Variants in RTF1 observed in about 807,000 individuals in gnomAD.
The protein encoded by RTF1 is RNA polymerase-associated protein RTF1 homolog.
RTF1 carries 10 observed loss-of-function variants against 95.7 expected under a neutral mutation model. The observed-to-expected ratio is 0.10, with a 90% CI of 0.06 to 0.18. The LOEUF (loss-of-function observed/expected upper bound fraction) is 0.18. RTF1 is among the 10% of genes least tolerant of loss of function. The pLI is 1.00. For synonymous variants in RTF1, 305 were observed against 311.8 expected (o/e 0.98, Z 0.23); for missense variants, 458 against 875.6 (o/e 0.52, Z 6.02).
At chr15:41,449,089 T>G (rs2050777385) in intron 2 of RTF1, among the ~76,000 whole-genome samples, 1 of 152,048 alleles carries the variant, frequency 6.6e-6, no homozygotes, top group African/African-American at 2.4e-5. Flanking sequence ...TTCACCATGT[T>G]GCCCAGGCTA....
chr15:41,479,157 G>T lies in RTF1; in HGVS notation c.1873G>T (p.Gly625Cys). Residue 625 changes from glycine (G) to cysteine (C), a missense_variant, in exon 16 of 18, where the codon GGT (glycine) becomes TGT (cysteine). This residue lies in a region of RTF1 where 50 missense variants were observed against 100.0 expected (regional missense o/e 0.50). Coordinates refer to ENST00000389629, the MANE Select transcript of RTF1 (RefSeq NM_015138.5). ...CTTGGCCCAGCTGAATGCAAAATAC[G>T]GTTCTGGAGTGTTACCAGATGCTCC... Reference protein sequence around the residue: ...AILAQLNAKYGSGVLPDAPKE... With the variant: ...AILAQLNAKYCSGVLPDAPKE... 6.8e-6 allele frequency: 11 copies of T among 1,613,958 alleles called. No homozygotes were observed. The highest frequency in any genetic ancestry group is 9.3e-6 in the Non-Finnish European group (11 of 1,179,942).
chr15:41,472,408 T>C (rs1745416548), intron 8 of RTF1, among the ~76,000 whole-genome samples: 1 of 152,044 alleles, frequency 6.6e-6, no homozygotes, highest in African/African-American at 2.4e-5. Flanking sequence ...GGTTTCACCA[T>C]GTTGGCCAGG....
chr15:41,422,391 C>CTTT (rs1322979364), intron 1 of RTF1, among the ~76,000 whole-genome samples: 1 of 152,172 alleles, frequency 6.6e-6, no homozygotes, highest in African/African-American at 2.4e-5. Flanking sequence ...TGACCACACC[C>CTTT]TTTCTTCAAC....
At chr15:41,427,342 G>A (rs1291573679) in intron 1 of RTF1, among the ~76,000 whole-genome samples, 57 of 131,982 alleles carry the variant, frequency 4.3e-4, no homozygotes, top group Middle Eastern at 0.01. Flanking sequence ...TAGTAGAGAC[G>A]GGGTTTCACC....
intron 1 of RTF1, among the ~76,000 whole-genome samples, chr15:41,427,140 T>G: frequency 8.5e-6 from 1 of 117,890 alleles, no homozygotes; most frequent in African/African-American, 3.4e-5. Flanking sequence ...ATGCCTGGTC[T>G]ACAAATTTTT....
intron 1 of RTF1, among the ~76,000 whole-genome samples, chr15:41,431,551 C>T (rs1032495998): frequency 1.3e-5 from 2 of 152,026 alleles, no homozygotes; most frequent in Non-Finnish European, 2.9e-5. Context: ...TGCTCTATTT[C>T]CCAGGCTGGA....
chr15:41,432,343 G>T (rs1422599482), intron 1 of RTF1, among the ~76,000 whole-genome samples: 5 of 151,372 alleles, frequency 3.3e-5, no homozygotes, highest in Non-Finnish European at 4.4e-5. Context: ...GACTACAGGC[G>T]CTCGCCACCA....
At chr15:41,437,376 C>T (rs1408368559) in intron 1 of RTF1, among the ~76,000 whole-genome samples, 1 of 150,118 alleles carries the variant, frequency 6.7e-6, no homozygotes, top group South Asian at 2.1e-4. Flanking sequence ...TGGTGGGCGC[C>T]TGACAGCTAC....
rs950752323 is a variant in RTF1 at position 41,444,735 on chromosome 15, A to G, written c.309+6304A>G. 3.3e-5 allele frequency among the ~76,000 whole-genome samples: 5 copies of G among 152,202 alleles called. No individual in the cohort carries two copies. The East Asian group carries it at 5.8e-4, about 18-fold the overall frequency. On this transcript the variant is annotated intron_variant, in intron 2 of 17. Coordinates refer to ENST00000389629, the MANE Select transcript of RTF1 (RefSeq NM_015138.5). ...TACAGCTTCCTTTTTCCTCTGTTAT[A>G]TTGGTAAGAAGTGACCATTGTGCTC...
In RTF1 at chr15:41,466,268, A is replaced by G; in HGVS notation, c.889+16A>G. ...AACAGAACAGGTAAGCGAGGGAAAT[A>G]TAATGGCTACTTGTGTCTTTATATG... On this transcript the variant is annotated intron_variant, in intron 6 of 17. Transcript: ENST00000389629. The G allele has an allele frequency of 2.0e-6, 3 of 1,485,698 alleles. No individual in the cohort carries two copies. Among genetic ancestry groups the G allele is most frequent in the East Asian group, 2.4e-5 (1 of 41,698 alleles). 92.0% of individuals were successfully genotyped at this position (1,485,698 alleles called of 1,614,324 possible).
At chr15:41,448,132 G>A (rs1280185104) in intron 2 of RTF1, among the ~76,000 whole-genome samples, 1 of 152,064 alleles carries the variant, frequency 6.6e-6, no homozygotes, top group East Asian at 1.9e-4. Context: ...GGGAGAAGAG[G>A]TACAGAGCAA....
intron 4 of RTF1, among the ~76,000 whole-genome samples, chr15:41,458,540 A>G (rs910108346): frequency 6.6e-6 from 1 of 152,138 alleles, no homozygotes; most frequent in Non-Finnish European, 1.5e-5. Flanking sequence ...AGAGATCAGG[A>G]GTTCTAGACC....
intron 5 of RTF1, among the ~76,000 whole-genome samples, chr15:41,465,818 G>A (rs780719657): frequency 1.3e-5 from 2 of 152,108 alleles, no homozygotes; most frequent in Non-Finnish European, 2.9e-5. Context: ...CTCCATCTCA[G>A]AAAAACAACA....
intron 3 of RTF1, among the ~76,000 whole-genome samples, chr15:41,455,413 C>A (rs1224138349): frequency 6.6e-6 from 1 of 151,986 alleles, no homozygotes; most frequent in East Asian, 1.9e-4. Flanking sequence ...GAGCTGGAGG[C>A]CATTTTTCTA....
Position 41,474,694 on chromosome 15 carries a change from G to A in RTF1, c.1278G>A (p.Leu426=). Residue 426 remains leucine, a synonymous_variant, in exon 9 of 18, where the codon CTG becomes CTA. Transcript: ENST00000389629. ...QLGGTRTNKG[L]QLRHGNDQRV... is the part of the protein sequence containing the mutation. ...GTGGCACCAGAACAAACAAAGGGCT[G>A]CAACTACGGTAGGAGGCACTTCTGG... The A allele has an allele frequency of 6.2e-7, 1 of 1,613,506 alleles. No homozygotes were observed. The highest frequency in any genetic ancestry group is 1.6e-4 in the Middle Eastern group (1 of 6,062).
At chr15:41,478,678 A>T in intron 15 of RTF1, 53 bp downstream of exon 15, 1 of 1,336,560 alleles carries the variant, frequency 7.5e-7, no homozygotes, top group Non-Finnish European at 1.1e-6. Flanking sequence ...AGGACACAAA[A>T]TGAATTCCAT....
intron 1 of RTF1, among the ~76,000 whole-genome samples, chr15:41,421,400 G>A (rs2050599831): frequency 6.6e-6 from 1 of 151,570 alleles, no homozygotes; most frequent in African/African-American, 2.4e-5. Flanking sequence ...AGGCTGTGGT[G>A]AGCCGAGATC....
At position 41,417,180 on chromosome 15, in the gene RTF1, C is replaced by G; in HGVS notation, c.65C>G (p.Ala22Gly). The G allele has an allele frequency of 7.9e-7, 1 of 1,265,048 alleles. No individual in the cohort carries two copies. 78.4% of individuals were successfully genotyped at this position (1,265,048 alleles called of 1,614,324 possible). A position where few individuals can be genotyped will look rare whatever the true frequency, so the allele number is the denominator to read the frequency against. ...GCGGCGGCAGTGGCGGTCCCACTGG[C>G]AGGCGGGCAAGAGGGGAGTCCGGGC... ...AAAAAVAVPL[A>G]GGQEGSPGGG... The change falls in exon 1 of 18, where the codon GCA (alanine) becomes GGA (glycine). Residue 22 changes from alanine (A) to glycine (G), a missense_variant. Around this residue, in one of 11 missense-constraint regions of RTF1, gnomAD observed 81 missense variants for 59.9 expected, o/e 1.35. Transcript: ENST00000389629.
chr15:41,458,618 G>A (rs1057393442), intron 4 of RTF1, among the ~76,000 whole-genome samples: 3 of 151,184 alleles, frequency 2.0e-5, no homozygotes, highest in South Asian at 2.1e-4. Context: ...GTGTGGTGTT[G>A]TGCACCCGTA....
Sources: allele counts gnomAD v4.1 joint callset (sites outside exome capture counted in the v4.1 genomes callset), GRCh38; gene constraint gnomAD v4.1.1; regional missense constraint gnomAD v4.1.1; transcripts MANE v1.5; gene names NCBI Gene and HGNC (gene_info 2026-07-23, HGNC 2026-07-21).